The following A1CF variants were observed in gnomAD, a reference collection of about 807,000 sequenced individuals.
The protein encoded by A1CF is APOBEC1 complementation factor, also known as APOBEC-1 stimulating protein.
In A1CF, 48 loss-of-function variants were observed where a neutral mutation model predicts 68.9. The observed-to-expected ratio is 0.70, with a 90% CI of 0.55 to 0.89. The LOEUF is 0.89. A1CF is among the 40% of genes least tolerant of loss of function. The probability of loss-of-function intolerance (pLI) is 0.00; values close to 1 mark genes in which losing one functional copy is unlikely to be tolerated. For missense variants in A1CF, 653 were observed against 718.9 expected, an observed-to-expected ratio of 0.91 and a Z score of 1.05; for synonymous variants, 272 against 260.4, an observed-to-expected ratio of 1.04 and a Z score of -0.43.
At chr10:50,819,565 C>T (rs576045038) in intron 8 of A1CF, among the ~76,000 whole-genome samples, 30 of 152,300 alleles carry the variant, frequency 2.0e-4, no homozygotes, top group Admixed American at 8.5e-4. Context: ...AGTCCCCACT[C>T]GCACTTTTGT....
At chr10:50,848,643 A>G (rs1044759816) in intron 3 of A1CF, among the ~76,000 whole-genome samples, 10 of 152,108 alleles carry the variant, frequency 6.6e-5, no homozygotes, top group Non-Finnish European at 1.0e-4. Flanking sequence ...CAAGTTTGTA[A>G]TCGTCTTTGT....
chr10:50,862,347 C>G (rs186340370), intron 2 of A1CF, among the ~76,000 whole-genome samples: 12 of 151,644 alleles, frequency 7.9e-5, no homozygotes, highest in Admixed American at 7.9e-4. Context: ...GCCTGGGCAA[C>G]AGAGTGAGAC....
chr10:50,841,288 G>A (rs1831143575), intron 5 of A1CF, among the ~76,000 whole-genome samples: 1 of 152,042 alleles, frequency 6.6e-6, no homozygotes, highest in African/African-American at 2.4e-5. Context: ...CCGGCCACAT[G>A]GGCTTGCTTT....
Position 50,816,253 on chromosome 10 carries a change from G to C in A1CF, c.894C>G (p.Val298=). The C allele has an allele frequency of 1.2e-6, 2 of 1,613,430 alleles. No homozygotes were observed. The highest frequency in any genetic ancestry group is 1.7e-6 in the Non-Finnish European group (2 of 1,179,668). The change falls in exon 9 of 13, where the codon GTC becomes GTG. Residue 298 remains valine, a synonymous_variant. Coordinates refer to ENST00000373997, the MANE Select transcript of A1CF (RefSeq NM_014576.4). ...GKVLDGSPIE[V]TLAKPVDKDS... is the part of the protein sequence containing the mutation. Reference sequence around the variant, plus strand: ...CCTTGTCCACTGGTTTTGCTAGGGTGACTTCAATGGGGGAACCATCCAGCA... The same window carrying C: ...CCTTGTCCACTGGTTTTGCTAGGGTCACTTCAATGGGGGAACCATCCAGCA...
At chr10:50,866,473 G>A (rs980063206) in intron 1 of A1CF, among the ~76,000 whole-genome samples, 2 of 152,180 alleles carry the variant, frequency 1.3e-5, no homozygotes, top group African/African-American at 4.8e-5. Context: ...TCACTATTGG[G>A]CAAAGTTAGA....
rs1837761904 is a variant in A1CF at position 50,805,099 on chromosome 10, AT to A, written c.*1629del. On this transcript the variant is annotated 3_prime_UTR_variant, in exon 13 of 13. Coordinates refer to ENST00000373997, the MANE Select transcript of A1CF (RefSeq NM_014576.4). ...TCTCATTGGAGTTAGGACAACTGAA[AT>A]GTTACAAGTACTTCTGATTGTGATT... The A allele has an allele frequency of 6.6e-6, 1 of 152,214 alleles. No homozygotes were observed. Among genetic ancestry groups the A allele is most frequent in the African/African-American group, 2.4e-5 (1 of 41,466 alleles). 9.4% of individuals were successfully genotyped at this position (152,214 alleles called of 1,614,324 possible). A position where few individuals can be genotyped will look rare whatever the true frequency, so the allele number is the denominator to read the frequency against.
In A1CF at chr10:50,816,152, C is replaced by T. The variant is rs1340454373; in HGVS notation, c.995G>A (p.Gly332Asp). ...GGTTGTGGTGGGATCATAAACTTGG[C>T]CCAAAGAGTAGGTATACTCTCCTTG... is the stretch of plus-strand genomic sequence containing the variant. The part of the protein sequence containing the change: ...MLQGEYTYSL[G>D]QVYDPTTTYL... Residue 332 changes from glycine (G) to aspartate (D), a missense_variant, in exon 9 of 13, where the codon GGC (glycine) becomes GAC (aspartate). By Grantham distance (94) the Gly-to-Asp change is moderately conservative. Transcript: ENST00000373997. 1 of 1,613,606 alleles carries T rather than the reference C, an allele frequency of 6.2e-7. No individual in the cohort carries two copies. Among genetic ancestry groups the T allele is most frequent in the African/African-American group, 1.3e-5 (1 of 74,856 alleles).
chr10:50,880,448 C>T (rs1841716748), intron 1 of A1CF, among the ~76,000 whole-genome samples: 1 of 152,176 alleles, frequency 6.6e-6, no homozygotes, highest in Non-Finnish European at 1.5e-5. Flanking sequence ...TCATTGTTAT[C>T]ATCATCGTAG....
At chr10:50,829,187 C>T (rs1283226340) in intron 6 of A1CF, among the ~76,000 whole-genome samples, 2 of 152,042 alleles carry the variant, frequency 1.3e-5, no homozygotes, top group Non-Finnish European at 2.9e-5. Context: ...CTTTCCCAGG[C>T]CTGTTCTACT....
intron 7 of A1CF, among the ~76,000 whole-genome samples, chr10:50,825,123 C>T (rs1838855908): frequency 6.6e-6 from 1 of 152,126 alleles, no homozygotes; most frequent in African/African-American, 2.4e-5. Context: ...AGCAAATCAT[C>T]AGCTTATCAT....
intron 7 of A1CF, among the ~76,000 whole-genome samples, chr10:50,827,357 T>C (rs1420921547): frequency 6.6e-6 from 1 of 152,204 alleles, no homozygotes; most frequent in Non-Finnish European, 1.5e-5. Context: ...ATCACACTTA[T>C]TCCAAAATTG....
intron 1 of A1CF, among the ~76,000 whole-genome samples, chr10:50,877,632 C>T (rs1179209744): frequency 6.6e-6 from 1 of 152,204 alleles, no homozygotes; most frequent in Non-Finnish European, 1.5e-5. Context: ...AATTTACATG[C>T]ATCATCATAA....
At chr10:50,811,807 G>A (rs1838127594) in intron 10 of A1CF, among the ~76,000 whole-genome samples, 1 of 152,010 alleles carries the variant, frequency 6.6e-6, no homozygotes, top group Admixed American at 6.6e-5. Context: ...CCTCCTGCAT[G>A]TTTTTTCTTC....
intron 4 of A1CF, 35 bp from the exon 5 acceptor site, chr10:50,842,027 ACGTTTGTACTTC>A: frequency 6.4e-7 from 1 of 1,561,982 alleles, no homozygotes; most frequent in Non-Finnish European, 8.8e-7. Flanking sequence ...TTATATTTAT[ACGTTTGTACTTC>A]TGAATGTATG....
intron 9 of A1CF, among the ~76,000 whole-genome samples, chr10:50,815,805 T>C (rs1257247764): frequency 6.6e-6 from 1 of 152,242 alleles, no homozygotes; most frequent in Non-Finnish European, 1.5e-5. Flanking sequence ...CACAATGTTC[T>C]GATGACGTTT....
At chr10:50,861,279 T>C in intron 2 of A1CF, among the ~76,000 whole-genome samples, 1 of 150,848 alleles carries the variant, frequency 6.6e-6, no homozygotes, top group South Asian at 2.1e-4. Context: ...GCAATATTAC[T>C]AAGACTACCT....
Position 50,856,540 on chromosome 10 carries a change from G to A in A1CF, c.99+3302C>T, listed in dbSNP as rs376786948. On this transcript the variant is annotated intron_variant, in intron 3 of 12. Coordinates refer to ENST00000373997, the MANE Select transcript of A1CF (RefSeq NM_014576.4). ...AAAAAAATGTTTGTCACATGCTCTAGGATGCTGATCTCTAAAATTGCAATC... is the reference window on the plus strand; with the variant it reads ...AAAAAAATGTTTGTCACATGCTCTAAGATGCTGATCTCTAAAATTGCAATC... Among the ~76,000 whole-genome samples the A allele has an allele frequency of 3.5e-4, 53 of 152,160 alleles. 2 individuals carry two copies. In the South Asian group the frequency reaches 1.0e-2, roughly 29 times the overall value.
chr10:50,836,943 C>T (rs946338019), intron 5 of A1CF, among the ~76,000 whole-genome samples: 2 of 151,928 alleles, frequency 1.3e-5, no homozygotes, highest in African/African-American at 2.4e-5. Context: ...CAATCCTCAC[C>T]GCTCCCTGAA....
intron 7 of A1CF, among the ~76,000 whole-genome samples, chr10:50,821,950 C>T (rs897147043): frequency 4.6e-5 from 7 of 152,122 alleles, no homozygotes; most frequent in Non-Finnish European, 1.0e-4. Flanking sequence ...TAAATACACT[C>T]ATACAGAAAG....
Sources: gnomAD v4.1 joint callset for allele counts (sites outside exome capture counted in the v4.1 genomes callset) on GRCh38, gnomAD v4.1.1 for gene constraint, MANE v1.5 for transcripts, NCBI Gene and HGNC (gene_info 2026-07-23, HGNC 2026-07-21) for gene names.